TNPO2: variants seen among roughly 807,000 people sequenced by gnomAD.
TNPO2 encodes transportin-2.
Under a neutral mutation model 111.1 loss-of-function variants are expected in TNPO2, and 16 were observed. The ratio of observed to expected loss-of-function variants is 0.14; its 90% CI spans 0.10 to 0.22. The LOEUF (loss-of-function observed/expected upper bound fraction) is 0.22, where lower values mean the gene tolerates loss of function less well. TNPO2 is among the 10% of genes least tolerant of loss of function. TNPO2 has a pLI of 1.00. For synonymous variants in TNPO2, 481 were observed against 475.8 expected (o/e 1.01, Z -0.14); for missense variants, 530 against 1,173.7 (o/e 0.45, Z 8.01).
In TNPO2 at chr19:12,706,567, C is replaced by T; in HGVS notation, c.1496+3G>A. 6.2e-6 allele frequency: 10 copies of T among 1,613,882 alleles called. No individual in the cohort carries two copies. The highest frequency in any genetic ancestry group is 8.5e-6 in the Non-Finnish European group (10 of 1,179,922). ...GGCTGTGGGATCAGGGGTCCAGGGT[C>T]ACCTGCAGGCCGCCTCCTGTACCCT... On this transcript the variant is annotated splice_donor_region_variant and intron_variant, in intron 14 of 25. Transcript: ENST00000425528. This position sits in a 1 kb window ranked among gnomAD's most constrained non-coding sequence, Gnocchi z 7.0.
Position 12,719,253 on chromosome 19 carries a change from G to A in TNPO2, c.175+8C>T. 2 of 1,613,960 alleles carry A rather than the reference G, an allele frequency of 1.2e-6. No individual in the cohort carries two copies. Among genetic ancestry groups the A allele is most frequent in the Non-Finnish European group, 1.7e-6 (2 of 1,179,822 alleles). Reference sequence around the variant, plus strand: ...TCCCGATCGCATGGAAGGGAGCAGAGGGCGTACCTTCTGACTTGAGTCTGG... The same window carrying A: ...TCCCGATCGCATGGAAGGGAGCAGAAGGCGTACCTTCTGACTTGAGTCTGG... On this transcript the variant is annotated splice_region_variant and intron_variant, in intron 4 of 25. Coordinates refer to ENST00000425528, the MANE Select transcript of TNPO2 (RefSeq NM_001382241.1). This position sits in a 1 kb window ranked among gnomAD's most constrained non-coding sequence, Gnocchi z 5.0.
At chr19:12,703,970 T>A (rs550550225) in intron 18 of TNPO2, among the ~76,000 whole-genome samples, 169 bp from the exon 19 acceptor site, 1 of 152,316 alleles carries the variant, frequency 6.6e-6, no homozygotes, top group East Asian at 1.9e-4. Context: ...AAATGGGAGA[T>A]GGCAGTGCCC....
At chr19:12,711,876 T>TC (rs1189434226) in intron 10 of TNPO2, among the ~76,000 whole-genome samples, 1 of 151,724 alleles carries the variant, frequency 6.6e-6, no homozygotes, top group Middle Eastern at 3.2e-3. Context: ...GTTTTTTTTT[T>TC]TTTTTCTTAA....
chr19:12,710,355 G>C (rs1431135505), intron 13 of TNPO2, among the ~76,000 whole-genome samples: 1 of 152,214 alleles, frequency 6.6e-6, no homozygotes, highest in Non-Finnish European at 1.5e-5. Context: ...ATGCAGCTGT[G>C]CCTGCTGTTA....
At chr19:12,713,820 G>A (rs993312741) in intron 10 of TNPO2, among the ~76,000 whole-genome samples, 2 of 152,074 alleles carry the variant, frequency 1.3e-5, no homozygotes, top group African/African-American at 4.8e-5. Context: ...TTGAGGCCAG[G>A]GATCCGAGAC....
At chr19:12,720,824 T>A in intron 3 of TNPO2, 55 bp downstream of exon 3, 7 of 1,535,068 alleles carry the variant, frequency 4.6e-6, no homozygotes, top group Non-Finnish European at 5.2e-6. Context: ...CTCTGGCCTT[T>A]GGAAACTGCA....
Position 12,703,770 on chromosome 19 carries a change from A to G in TNPO2, c.2054T>C (p.Phe685Ser). Reference protein sequence around the residue: ...DSMPEVRQSSFALLGDLTKAC... With the variant: ...DSMPEVRQSSSALLGDLTKAC... ...TTTGGTGAGGTCTCCCAGGAGGGCA[A>G]AGGAGCTCTGCCGGACCTCAGGCAT... Residue 685 changes from phenylalanine (F) to serine (S), a missense_variant, in exon 19 of 26, where the codon TTT (phenylalanine) becomes TCT (serine). Physicochemically the swap from Phe to Ser is radical, Grantham distance 155. Around this residue, in one of 4 missense-constraint regions of TNPO2, gnomAD observed 183 missense variants for 481.0 expected, o/e 0.38. Coordinates refer to ENST00000425528, the MANE Select transcript of TNPO2 (RefSeq NM_001382241.1). 6.2e-7 allele frequency: 1 copy of G among 1,602,950 alleles called. No individual in the cohort carries two copies. Among genetic ancestry groups the G allele is most frequent in the Non-Finnish European group, 8.5e-7 (1 of 1,174,736 alleles).
chr19:12,719,370 GCCTTCCC>G lies in TNPO2; in HGVS notation c.100-41_100-35del. On this transcript the variant is annotated intron_variant, in intron 3 of 25. Coordinates refer to ENST00000425528, the MANE Select transcript of TNPO2 (RefSeq NM_001382241.1). This position sits in a 1 kb window ranked among gnomAD's most constrained non-coding sequence, Gnocchi z 5.0. ...CTGTTAAGGGACTTGGAAGACAGAG[GCCTTCCC>G]CCAGCCAGGTCCCCTCATTATGTAC... 1 of 1,594,548 alleles carries G rather than the reference GCCTTCCC, an allele frequency of 6.3e-7. No individual in the cohort carries two copies. Among genetic ancestry groups the G allele is most frequent in the Non-Finnish European group, 8.6e-7 (1 of 1,163,058 alleles).
rs1966917151 is a variant in TNPO2 at position 12,721,241 on chromosome 19, G to GGCGGATCCTCATGGGACCCA, written c.-13-271_-13-252dup. On this transcript the variant is annotated intron_variant, in intron 2 of 25. Coordinates refer to ENST00000425528, the MANE Select transcript of TNPO2 (RefSeq NM_001382241.1). This position sits in a 1 kb window ranked among gnomAD's most constrained non-coding sequence, Gnocchi z 4.9. ...GCCACAGGCGGCGGCGGCGGGGCCC[G>GGCGGATCCTCATGGGACCCA]GCGGATCCTCATGGGACCCAGCGAA... The GGCGGATCCTCATGGGACCCA allele has an allele frequency of 7.6e-7, 1 of 1,308,816 alleles. No homozygotes were observed. The highest frequency in any genetic ancestry group is 9.7e-7 in the Non-Finnish European group (1 of 1,027,926). 81.1% of individuals were successfully genotyped at this position (1,308,816 alleles called of 1,614,324 possible).
At chr19:12,714,630 T>C (rs2026261889) in intron 10 of TNPO2, among the ~76,000 whole-genome samples, 191 bp downstream of exon 10, 1 of 152,198 alleles carries the variant, frequency 6.6e-6, no homozygotes, top group Non-Finnish European at 1.5e-5. Flanking sequence ...TTCATTTCTT[T>C]CCACCTATCA....
chr19:12,721,594 G>A lies in TNPO2; in HGVS notation c.-13-604C>T, dbSNP rs966606982. 5 of 280,318 alleles carry A rather than the reference G, an allele frequency of 1.8e-5. No individual in the cohort carries two copies. The highest frequency in any genetic ancestry group is 3.5e-5 in the Non-Finnish European group (5 of 142,460). The allele number at this position is 280,318 out of a possible 1,614,324, so 17.4% of individuals were successfully genotyped here. On this transcript the variant is annotated intron_variant, in intron 2 of 25. Coordinates refer to ENST00000425528, the MANE Select transcript of TNPO2 (RefSeq NM_001382241.1). The surrounding 1 kb of genome is among the most constrained non-coding windows in gnomAD (Gnocchi z 4.9). Reference sequence around the variant, plus strand: ...CCTGTTCCTGCCCTTCAAGCTCAGTGGATGCCAGATATCCCCCTCTGTGGC... The same window carrying A: ...CCTGTTCCTGCCCTTCAAGCTCAGTAGATGCCAGATATCCCCCTCTGTGGC...
chr19:12,711,229 T>C lies in TNPO2; in HGVS notation c.1117+67A>G, dbSNP rs555666511. On this transcript the variant is annotated intron_variant, in intron 12 of 25. Transcript: ENST00000425528. The stretch of plus-strand genomic sequence containing the variant: ...TCTAATCAGCTTCTGCCTCAGCTTC[T>C]AGTCACCTCCCAAGAGGGAGTCCAG... 13 of 1,567,562 alleles carry C rather than the reference T, an allele frequency of 8.3e-6. No homozygotes were observed. In the African/African-American group the frequency reaches 1.3e-4, roughly 16 times the overall value.
At chr19:12,704,091 C>A (rs895766248) in intron 18 of TNPO2, among the ~76,000 whole-genome samples, 3 of 152,166 alleles carry the variant, frequency 2.0e-5, no homozygotes, top group Non-Finnish European at 4.4e-5. Flanking sequence ...TAGGGCCAGG[C>A]GCAGTGGTTC....
At chr19:12,703,393 T>TG in intron 20 of TNPO2, 35 bp downstream of exon 20, 2 of 1,583,004 alleles carry the variant, frequency 1.3e-6, no homozygotes, top group Non-Finnish European at 8.7e-7. Flanking sequence ...AACAGGCTAA[T>TG]GGGGGGCGCG....
intron 10 of TNPO2, among the ~76,000 whole-genome samples, chr19:12,711,910 C>T (rs1371842187): frequency 2.0e-5 from 3 of 148,396 alleles, no homozygotes; most frequent in East Asian, 2.0e-4. Context: ...ACCCTGTGGG[C>T]GGCAAGCCAC....
chr19:12,722,481 C>G (rs1359907736), intron 2 of TNPO2: 1 of 149,914 alleles, frequency 6.7e-6, no homozygotes, highest in Non-Finnish European at 1.5e-5. Flanking sequence ...ACTTACCCGG[C>G]CCCGGGCAGC....
chr19:12,714,547 T>C (rs2026257359), intron 10 of TNPO2, among the ~76,000 whole-genome samples: 1 of 152,034 alleles, frequency 6.6e-6, no homozygotes, highest in South Asian at 2.1e-4. Flanking sequence ...CTTCTGACCT[T>C]GTGATCTGCC....
chr19:12,706,584 C>T lies in TNPO2; in HGVS notation c.1482G>A (p.Gln494=), dbSNP rs1297822897. 3 of 1,614,140 alleles carry T rather than the reference C, an allele frequency of 1.9e-6. No individual in the cohort carries two copies. The highest frequency in any genetic ancestry group is 2.5e-6 in the Non-Finnish European group (3 of 1,180,020). The part of the protein sequence containing the change: ...KRILDGNKRV[Q]EAACSAFATL... The stretch of plus-strand genomic sequence containing the variant: ...TCCAGGGTCACCTGCAGGCCGCCTC[C>T]TGTACCCTCTTGTTGCCATCCAGGA... The change falls in exon 14 of 26, where the codon CAG becomes CAA. Residue 494 remains glutamine (Q), a synonymous_variant. Transcript: ENST00000425528. This position sits in a 1 kb window ranked among gnomAD's most constrained non-coding sequence, Gnocchi z 7.0.
rs916158888 is a variant in TNPO2, at chr19:12,706,885, T to C, written c.1271-90A>G. 7 of 1,078,056 alleles carry C rather than the reference T, an allele frequency of 6.5e-6. No individual in the cohort carries two copies. In the African/African-American group the frequency reaches 1.1e-4, roughly 17 times the overall value. 66.8% of individuals were successfully genotyped at this position (1,078,056 alleles called of 1,614,324 possible). On this transcript the variant is annotated intron_variant, in intron 13 of 25. Transcript: ENST00000425528. The surrounding 1 kb of genome is among the most constrained non-coding windows in gnomAD (Gnocchi z 7.0). ...AGAAGAGTCAGCCGCACACAACATA[T>C]AGGGAAACTGAGGCTTAGAGTTTAA...
Sources: gnomAD v4.1 joint callset for allele counts (sites outside exome capture counted in the v4.1 genomes callset) on GRCh38, gnomAD v4.1.1 for gene constraint, gnomAD v4.1.1 regional missense constraint, Gnocchi (gnomAD v3.1) non-coding constraint, MANE v1.5 for transcripts, NCBI Gene and HGNC (gene_info 2026-07-23, HGNC 2026-07-21) for gene names.